Variants in ADGRL3 observed in about 807,000 individuals in gnomAD.
ADGRL3 encodes calcium-independent alpha-latrotoxin receptor 3.
In ADGRL3, 62 loss-of-function variants were observed where a neutral mutation model predicts 153.5. The observed-to-expected ratio is 0.40, with a 90% confidence interval of 0.33 to 0.50. The LOEUF (loss-of-function observed/expected upper bound fraction) is 0.50. Among genes scored for constraint, ADGRL3 ranks in the 20% least tolerant of loss-of-function variants. ADGRL3 has a pLI of 0.47. For synonymous variants in ADGRL3, 710 were observed against 672.5 expected (o/e 1.06, Z -0.86); for missense variants, 1,641 against 1,859.4 (o/e 0.88, Z 2.16).
intron 12 of ADGRL3, 29 bp downstream of exon 12, chr4:61,909,774 T>TGTGTGC: frequency 7.6e-7 from 1 of 1,311,352 alleles, no homozygotes; most frequent in South Asian, 1.6e-5. Context: ...TGTGTGTGTG[T>TGTGTGC]GTGTGTGTGT....
In ADGRL3 at chr4:62,071,018, C is replaced by A; in HGVS notation, c.*110C>A. 2 of 948,392 alleles carry A rather than the reference C, an allele frequency of 2.1e-6. No homozygotes were observed. Among genetic ancestry groups the A allele is most frequent in the Non-Finnish European group, 3.1e-6 (2 of 651,544 alleles). 58.7% of individuals were successfully genotyped at this position (948,392 alleles called of 1,614,324 possible). ...TGTACTCCTAAATCTTTATGCTGTC[C>A]TCTAAAGACAAACACAAACTCTCAG... On this transcript the variant is annotated 3_prime_UTR_variant, in exon 27 of 27. Coordinates refer to ENST00000683033, the MANE Select transcript of ADGRL3 (RefSeq NM_001387552.1).
intron 9 of ADGRL3, among the ~76,000 whole-genome samples, chr4:61,831,626 T>C (rs1001393021): frequency 7.2e-5 from 11 of 152,056 alleles, no homozygotes; most frequent in African/African-American, 2.4e-4. Context: ...TAGTCGTCAA[T>C]AGATACATTA....
At chr4:61,887,027 A>AT (rs1406601869) in intron 9 of ADGRL3, among the ~76,000 whole-genome samples, 135 of 150,218 alleles carry the variant, frequency 9.0e-4, no homozygotes, top group African/African-American at 3.3e-3. Flanking sequence ...TTATTTATTT[A>AT]TTTATTTTTT....
At position 62,068,363 on chromosome 4, in the gene ADGRL3, T is replaced by C. The variant is rs149385474; in HGVS notation, c.3832+180T>C. ...ATAGAGATTAGACGCTTTTGTTGTC[T>C]GATTCTTTTATTGTCACATAATCAA... On this transcript the variant is annotated intron_variant, in intron 26 of 26. Coordinates refer to ENST00000683033, the MANE Select transcript of ADGRL3 (RefSeq NM_001387552.1). 4.7e-3 allele frequency: 1,926 copies of C among 411,846 alleles called. 40 individuals are homozygous for C. The highest frequency in any genetic ancestry group is 0.036 in the African/African-American group (1,774 of 48,734). The allele number at this position is 411,846 out of a possible 1,614,324, so 25.5% of individuals were successfully genotyped here.
chr4:61,463,077 C>T (rs974580304), intron 2 of ADGRL3, among the ~76,000 whole-genome samples: 2 of 152,066 alleles, frequency 1.3e-5, no homozygotes, highest in East Asian at 3.9e-4. Context: ...AGATGTGGCT[C>T]CTCTTAATTT....
rs1371711880 is a variant in ADGRL3, at chr4:62,076,477, C to T, written c.*5569C>T. 1 of 151,992 alleles carries T rather than the reference C, an allele frequency of 6.6e-6. No individual in the cohort carries two copies. Among genetic ancestry groups the T allele is most frequent in the Non-Finnish European group, 1.5e-5 (1 of 67,924 alleles). The allele number at this position is 151,992 out of a possible 1,614,324, so 9.4% of individuals were successfully genotyped here. On this transcript the variant is annotated 3_prime_UTR_variant, in exon 27 of 27. Transcript: ENST00000683033. ...GAACAACGGAAGAGCAGAAACCAAACAAGTTAGCAAACTTATGGTAAGGTG... is the reference window on the plus strand; with the variant it reads ...GAACAACGGAAGAGCAGAAACCAAATAAGTTAGCAAACTTATGGTAAGGTG...
In ADGRL3 at chr4:61,813,946, A is replaced by G. The variant is rs1347567249; in HGVS notation, c.1480+57A>G. 8.2e-6 allele frequency: 13 copies of G among 1,594,984 alleles called. No individual in the cohort carries two copies. The African/African-American group carries it at 1.3e-4, about 16-fold the overall frequency. On this transcript the variant is annotated intron_variant, in intron 9 of 26. Transcript: ENST00000683033. Reference sequence around the variant, plus strand: ...CTCTGCTCATTCTTTGATGAAAGCAATGATGGTTGTACATATGTATTTTGT... The same window carrying G: ...CTCTGCTCATTCTTTGATGAAAGCAGTGATGGTTGTACATATGTATTTTGT...
intron 5 of ADGRL3, among the ~76,000 whole-genome samples, chr4:61,663,307 G>A (rs1442651226): frequency 6.6e-6 from 1 of 152,188 alleles, no homozygotes; most frequent in African/African-American, 2.4e-5. Flanking sequence ...GCAGTTCCTG[G>A]CATCTCCAAG....
intron 18 of ADGRL3, among the ~76,000 whole-genome samples, chr4:61,980,478 C>T (rs1009865851): frequency 6.6e-6 from 1 of 151,752 alleles, no homozygotes; most frequent in Admixed American, 6.6e-5. Flanking sequence ...CTCACTCTGT[C>T]ATTCACGCAG....
At chr4:61,512,405 T>G (rs2098468163) in intron 3 of ADGRL3, among the ~76,000 whole-genome samples, 1 of 152,160 alleles carries the variant, frequency 6.6e-6, no homozygotes, top group Non-Finnish European at 1.5e-5. Flanking sequence ...AACCCAAAAT[T>G]TCTTAGCCAT....
At chr4:61,871,912 C>A (rs939321937) in intron 9 of ADGRL3, among the ~76,000 whole-genome samples, 1 of 152,144 alleles carries the variant, frequency 6.6e-6, no homozygotes, top group East Asian at 1.9e-4. Context: ...TCAAATGTTA[C>A]CTTTCAGTTA....
intron 8 of ADGRL3, among the ~76,000 whole-genome samples, chr4:61,789,246 A>T (rs2097312505): frequency 6.6e-6 from 1 of 152,072 alleles, no homozygotes; most frequent in Non-Finnish European, 1.5e-5. Context: ...CTTTTCACTA[A>T]ATAATACAAG....
chr4:61,305,115 C>T (rs186155697), intron 1 of ADGRL3, among the ~76,000 whole-genome samples: 42 of 151,788 alleles, frequency 2.8e-4, no homozygotes, highest in African/African-American at 9.7e-4. Flanking sequence ...CTTGCATAAA[C>T]CATTTGCAGG....
At chr4:61,518,755 C>T (rs2098512814) in intron 4 of ADGRL3, among the ~76,000 whole-genome samples, 1 of 152,140 alleles carries the variant, frequency 6.6e-6, no homozygotes, top group Admixed American at 6.5e-5. Flanking sequence ...GTGGGCGAGG[C>T]CATGCAATAC....
chr4:61,869,889 G>A (rs2098426625), intron 9 of ADGRL3, among the ~76,000 whole-genome samples: 1 of 130,088 alleles, frequency 7.7e-6, no homozygotes, highest in Admixed American at 8.6e-5. Flanking sequence ...GGTGAGCTGA[G>A]ATCATGCCAT....
At position 61,951,355 on chromosome 4, in the gene ADGRL3, T is replaced by C. The variant is rs144208087; in HGVS notation, c.2805+3079T>C. Among the ~76,000 whole-genome samples the C allele has an allele frequency of 6.3e-4, 96 of 152,256 alleles. 2 individuals are homozygous for C. The East Asian group carries it at 0.018, about 28-fold the overall frequency. On this transcript the variant is annotated intron_variant, in intron 17 of 26. Coordinates refer to ENST00000683033, the MANE Select transcript of ADGRL3 (RefSeq NM_001387552.1). ...CCGACTCCTGGCTCACAGTCAGTGGTTTACCCAACCCCTTCAAAAGTAGGA... is the reference window on the plus strand; with the variant it reads ...CCGACTCCTGGCTCACAGTCAGTGGCTTACCCAACCCCTTCAAAAGTAGGA...
rs182595179 is a variant in ADGRL3, at chr4:62,056,587, A to T, written c.3815-11579A>T. ...GAAGTTGGTGTTCTAATGCCATAGA[A>T]GATACAACCATTAGAAAGACTGTTT... On this transcript the variant is annotated intron_variant, in intron 25 of 26. Coordinates refer to ENST00000683033, the MANE Select transcript of ADGRL3 (RefSeq NM_001387552.1). 4.4e-3 allele frequency among the ~76,000 whole-genome samples: 667 copies of T among 152,182 alleles called. 3 individuals carry two copies. Among genetic ancestry groups the T allele is most frequent in the African/African-American group, 0.015 (623 of 41,562 alleles).
intron 4 of ADGRL3, among the ~76,000 whole-genome samples, chr4:61,573,824 G>A (rs1012612949): frequency 6.6e-6 from 1 of 151,924 alleles, no homozygotes; most frequent in African/African-American, 2.4e-5. Context: ...GTAACAATCA[G>A]AGAAAGCATA....
rs1030126145 is a variant in ADGRL3, at chr4:61,436,951, G to A, written c.-174+53762G>A. On this transcript the variant is annotated intron_variant, in intron 2 of 26. Coordinates refer to ENST00000683033, the MANE Select transcript of ADGRL3 (RefSeq NM_001387552.1). ...GGGATTGATCAGCCCATAGGTAATA[G>A]AGAGAAGCAAATTGCCTGAAAATTT... Among the ~76,000 whole-genome samples, 6 of 152,124 alleles carry A rather than the reference G, an allele frequency of 3.9e-5. 1 individual carries two copies. The highest frequency in any genetic ancestry group is 3.3e-4 in the Admixed American group (5 of 15,280).
Sources: allele counts gnomAD v4.1 joint callset (sites outside exome capture counted in the v4.1 genomes callset), GRCh38; gene constraint gnomAD v4.1.1; transcripts MANE v1.5; gene names NCBI Gene and HGNC (gene_info 2026-07-23, HGNC 2026-07-21).